Variants in GALNT18 observed in about 807,000 individuals in gnomAD.
The protein encoded by GALNT18 is GalNAc-transferase 18.
GALNT18 carries 44 observed loss-of-function variants against 69.5 expected under a neutral mutation model. The ratio of observed to expected loss-of-function variants is 0.63; its 90% CI spans 0.50 to 0.81. The LOEUF (loss-of-function observed/expected upper bound fraction) is 0.81. Among genes scored for constraint, GALNT18 ranks in the 40% least tolerant of loss-of-function variants. GALNT18 has a pLI of 0.00. For missense variants in GALNT18, 715 were observed against 810.0 expected (o/e 0.88, Z 1.42); for synonymous variants, 364 against 318.2 (o/e 1.14, Z -1.53).
At chr11:11,515,544 G>A (rs1564988660) in intron 1 of GALNT18, among the ~76,000 whole-genome samples, 1 of 152,190 alleles carries the variant, frequency 6.6e-6, no homozygotes, top group Non-Finnish European at 1.5e-5. Flanking sequence ...TAGTGTGTGG[G>A]CAGAGAGGGA....
Position 11,620,330 on chromosome 11 carries a change from C to CGT in GALNT18, c.235+1028_235+1029insAC, listed in dbSNP as rs748970953. Among the ~76,000 whole-genome samples the CGT allele has an allele frequency of 3.8e-5, 5 of 130,846 alleles. No individual in the cohort carries two copies. Among genetic ancestry groups the CGT allele is most frequent in the Admixed American group, 1.5e-4 (2 of 13,476 alleles). The allele number at this position is 130,846 out of a possible 152,430, so 85.8% of individuals were successfully genotyped here. ...GTGTGGACGTGAGCGCGCGCGCGCG[C>CGT]GCGTGTGTGTGTGTGTGTGCACACC... On this transcript the variant is annotated intron_variant, in intron 1 of 10. Transcript: ENST00000227756. The surrounding 1 kb of genome is among the most constrained non-coding windows in gnomAD (Gnocchi z 6.9).
chr11:11,551,819 T>C (rs1858199229), intron 1 of GALNT18, among the ~76,000 whole-genome samples: 1 of 152,226 alleles, frequency 6.6e-6, no homozygotes, highest in African/African-American at 2.4e-5. Flanking sequence ...TCATTAGTTC[T>C]TATAGGTTTT....
At chr11:11,336,049 T>C (rs953081632) in intron 7 of GALNT18, among the ~76,000 whole-genome samples, 1 of 152,208 alleles carries the variant, frequency 6.6e-6, no homozygotes, top group East Asian at 1.9e-4. Context: ...TGCAGCCACA[T>C]AGTCACAAAA....
At chr11:11,443,975 C>T (rs1855588764) in intron 2 of GALNT18, among the ~76,000 whole-genome samples, 1 of 152,216 alleles carries the variant, frequency 6.6e-6, no homozygotes, top group Admixed American at 6.5e-5. Flanking sequence ...ATGCCTATTA[C>T]ATATTCATAG....
intron 1 of GALNT18, among the ~76,000 whole-genome samples, chr11:11,608,535 T>G (rs937483262): frequency 2.4e-5 from 3 of 122,716 alleles, no homozygotes; most frequent in Admixed American, 8.2e-5. Context: ...AATTTTTGTA[T>G]TTTTTTTAGT....
intron 1 of GALNT18, among the ~76,000 whole-genome samples, chr11:11,517,121 T>G (rs974119726): frequency 5.9e-5 from 9 of 152,216 alleles, no homozygotes; most frequent in Non-Finnish European, 1.2e-4. Flanking sequence ...CACCAGACAC[T>G]GAACCTGCTG....
chr11:11,434,282 C>T (rs1169645340), intron 2 of GALNT18, among the ~76,000 whole-genome samples: 5 of 152,136 alleles, frequency 3.3e-5, no homozygotes, highest in Admixed American at 1.3e-4. Context: ...AAATCTACTT[C>T]GTACTTGTGA....
chr11:11,584,017 A>G lies in GALNT18; in HGVS notation c.235+37342T>C, dbSNP rs1859155649. The stretch of plus-strand genomic sequence containing the variant: ...CTTGTGAGGACATAGGAATTCGAAA[A>G]GGAATGGCATCATGAGCTGGGCTGG... On this transcript the variant is annotated intron_variant, in intron 1 of 10. Transcript: ENST00000227756. The surrounding 1 kb of genome is among the most constrained non-coding windows in gnomAD (Gnocchi z 4.1). 6.6e-6 allele frequency among the ~76,000 whole-genome samples: 1 copy of G among 152,134 alleles called. No homozygotes were observed. The highest frequency in any genetic ancestry group is 1.5e-5 in the Non-Finnish European group (1 of 68,022).
intron 1 of GALNT18, among the ~76,000 whole-genome samples, chr11:11,477,609 T>C (rs1399415894): frequency 6.6e-6 from 1 of 152,170 alleles, no homozygotes; most frequent in African/African-American, 2.4e-5. Flanking sequence ...ATTCCCCTCC[T>C]TGGACTACAG....
chr11:11,422,862 C>T (rs1397907941), intron 3 of GALNT18, among the ~76,000 whole-genome samples: 2 of 152,014 alleles, frequency 1.3e-5, no homozygotes, highest in East Asian at 3.9e-4. Context: ...ACTTTCTTAC[C>T]AACAATTAAA....
intron 1 of GALNT18, among the ~76,000 whole-genome samples, chr11:11,467,615 C>A (rs1051917781): frequency 1.7e-4 from 26 of 152,308 alleles, no homozygotes; most frequent in African/African-American, 5.5e-4. Context: ...ACATTCAGGG[C>A]ACAGACAGGC....
intron 6 of GALNT18, chr11:11,352,321 G>C (rs748208083): frequency 5.0e-6 from 8 of 1,614,050 alleles, no homozygotes; most frequent in Non-Finnish European, 6.8e-6. Context: ...TTGAAACGTG[G>C]ATCTAATTCA....
intron 1 of GALNT18, among the ~76,000 whole-genome samples, chr11:11,539,878 C>A (rs1857870696): frequency 6.6e-6 from 1 of 152,126 alleles, no homozygotes; most frequent in Non-Finnish European, 1.5e-5. Flanking sequence ...GGCTCTCAGA[C>A]AATAAAGGAA....
chr11:11,300,490 C>T (rs150750714), intron 9 of GALNT18, among the ~76,000 whole-genome samples: 2 of 152,264 alleles, frequency 1.3e-5, no homozygotes, highest in East Asian at 3.9e-4. Flanking sequence ...GATATTTATC[C>T]ATATTTTTGT....
At position 11,614,320 on chromosome 11, in the gene GALNT18, G is replaced by T. The variant is rs1262976337; in HGVS notation, c.235+7039C>A. ...AGCAGGTATGTCACATAGTGAGAGA[G>T]GGGTGAGAGAGAGAGGCAAGAGAGT... On this transcript the variant is annotated intron_variant, in intron 1 of 10. Transcript: ENST00000227756. This position sits in a 1 kb window ranked among gnomAD's most constrained non-coding sequence, Gnocchi z 5.6. Among the ~76,000 whole-genome samples the T allele has an allele frequency of 6.6e-6, 1 of 151,672 alleles. No homozygotes were observed. Among genetic ancestry groups the T allele is most frequent in the Non-Finnish European group, 1.5e-5 (1 of 67,976 alleles).
chr11:11,607,276 A>C (rs1045683219), intron 1 of GALNT18, among the ~76,000 whole-genome samples: 2 of 152,218 alleles, frequency 1.3e-5, no homozygotes, highest in African/African-American at 4.8e-5. Flanking sequence ...TAAATGAAAT[A>C]ATTATTTTTA....
chr11:11,272,391 CCCTT>C (rs1259442006), intron 10 of GALNT18, among the ~76,000 whole-genome samples: 1 of 152,164 alleles, frequency 6.6e-6, no homozygotes, highest in African/African-American at 2.4e-5. Context: ...TAATGGATCT[CCCTT>C]CCAACCTCCA....
chr11:11,438,204 C>T (rs2133804188), intron 2 of GALNT18, among the ~76,000 whole-genome samples: 1 of 152,284 alleles, frequency 6.6e-6, no homozygotes, highest in South Asian at 2.1e-4. Flanking sequence ...TAGCTTCTTC[C>T]AGATCTTTCC....
rs1242217814 is a variant in GALNT18 at position 11,270,975 on chromosome 11, C to T, written c.*169G>A. The T allele has an allele frequency of 1.8e-6, 1 of 551,940 alleles. No homozygotes were observed. Among genetic ancestry groups the T allele is most frequent in the African/African-American group, 1.9e-5 (1 of 53,776 alleles). The allele number at this position is 551,940 out of a possible 1,614,324, so 34.2% of individuals were successfully genotyped here. On this transcript the variant is annotated 3_prime_UTR_variant, in exon 11 of 11. Coordinates refer to ENST00000227756, the MANE Select transcript of GALNT18 (RefSeq NM_198516.3). ...TGATATCATACCATCACCTACCAATCAGCATCTTTCTATAAACTCCATGAA... is the reference window on the plus strand; with the variant it reads ...TGATATCATACCATCACCTACCAATTAGCATCTTTCTATAAACTCCATGAA...
Sources: allele counts gnomAD v4.1 joint callset (sites outside exome capture counted in the v4.1 genomes callset), GRCh38; gene constraint gnomAD v4.1.1; non-coding constraint Gnocchi (gnomAD v3.1); transcripts MANE v1.5; gene names NCBI Gene and HGNC (gene_info 2026-07-23, HGNC 2026-07-21).